Variants in SMG1 observed in about 807,000 individuals in gnomAD.
SMG1 encodes the protein SMG1 nonsense mediated mRNA decay associated PI3K related kinase.
In SMG1, 22 loss-of-function variants were observed where a neutral mutation model predicts 419.9. The observed-to-expected ratio is 0.05, with a 90% CI of 0.04 to 0.07. The LOEUF is 0.07. Among genes scored for constraint, SMG1 ranks in the 10% least tolerant of loss-of-function variants. The pLI is 1.00. For missense variants in SMG1, 3,185 were observed against 4,342.0 expected, an observed-to-expected ratio of 0.73 and a Z score of 7.49; for synonymous variants, 1,538 against 1,553.5, an observed-to-expected ratio of 0.99 and a Z score of 0.23.
chr16:18,833,192 TTAA>T, intron 50 of SMG1, 26 bp from the exon 51 acceptor site: 1 of 1,586,828 alleles, frequency 6.3e-7, no homozygotes, highest in South Asian at 1.1e-5. Flanking sequence ...AAAAAAACTT[TTAA>T]TGTTTTTTGA....
intron 61 of SMG1, 22 bp from the exon 62 acceptor site, chr16:18,811,889 C>A: frequency 1.2e-6 from 2 of 1,613,396 alleles, no homozygotes; most frequent in South Asian, 1.1e-5. Flanking sequence ...CAAAAACATA[C>A]GTAAGTCAAA....
At chr16:18,922,713 C>G (rs1270528272) in intron 1 of SMG1, among the ~76,000 whole-genome samples, 1 of 152,088 alleles carries the variant, frequency 6.6e-6, no homozygotes, top group African/African-American at 2.4e-5. Flanking sequence ...TTCCTGACCT[C>G]GGGTGATCCA....
chr16:18,863,592 A>G (rs1258749391), intron 25 of SMG1, 58 bp downstream of exon 25: 10 of 1,451,422 alleles, frequency 6.9e-6, no homozygotes, highest in Non-Finnish European at 8.6e-6. Flanking sequence ...TTCTTGCCAT[A>G]GGAAAAACAT....
At position 18,830,135 on chromosome 16, in the gene SMG1, C is replaced by G. The variant is rs1440024829; in HGVS notation, c.8944-20G>C. The G allele has an allele frequency of 5.0e-6, 8 of 1,599,890 alleles. No homozygotes were observed. The East Asian group carries it at 1.3e-4, about 27-fold the overall frequency. ...GTTCAACTATGTAAATGAAAGAAAA[C>G]AAAGTTCATTTCTCCACTCTTGACA... On this transcript the variant is annotated intron_variant, in intron 52 of 62. Transcript: ENST00000446231.
chr16:18,913,924 G>A (rs538382006), intron 1 of SMG1, among the ~76,000 whole-genome samples: 77 of 152,116 alleles, frequency 5.1e-4, no homozygotes, highest in African/African-American at 1.7e-3. Flanking sequence ...CCAGCACTTC[G>A]GGAAGCCAAG....
chr16:18,830,525 A>C (rs2033099423), intron 51 of SMG1, among the ~76,000 whole-genome samples, 156 bp from the exon 52 acceptor site: 1 of 152,206 alleles, frequency 6.6e-6, no homozygotes, highest in Non-Finnish European at 1.5e-5. Context: ...GCGGTGGCTC[A>C]CGCCTGTAAT....
chr16:18,883,642 G>A (rs1432176211), intron 9 of SMG1, among the ~76,000 whole-genome samples: 1 of 152,128 alleles, frequency 6.6e-6, no homozygotes, highest in African/African-American at 2.4e-5. Flanking sequence ...ATATTGACTG[G>A]GCACGGGGGC....
In SMG1 at chr16:18,830,107, C is replaced by G. The variant is rs2033063117; in HGVS notation, c.8952G>C (p.Lys2984Asn). 5.0e-6 allele frequency: 8 copies of G among 1,602,068 alleles called. No individual in the cohort carries two copies. Among genetic ancestry groups the G allele is most frequent in the Non-Finnish European group, 6.8e-6 (8 of 1,174,014 alleles). Reference sequence around the variant, plus strand: ...TTCGCCAAGCTATGGGAATTTCCATCTTGTTCAACTATGTAAATGAAAGAA... The same window carrying G: ...TTCGCCAAGCTATGGGAATTTCCATGTTGTTCAACTATGTAAATGAAAGAA... ...AFSLLVEKLN[K>N]MEIPIAWRKI... is the part of the protein sequence containing the mutation. Residue 2984 changes from lysine to asparagine, a missense_variant, in exon 53 of 63, where the codon AAG (lysine) becomes AAC (asparagine). Transcript: ENST00000446231.
At chr16:18,812,236 T>C (rs1431306576) in intron 60 of SMG1, 109 bp from the exon 61 acceptor site, 7 of 1,047,728 alleles carry the variant, frequency 6.7e-6, no homozygotes, top group Admixed American at 2.6e-5. Context: ...AATTAAATAA[T>C]CAACTATAAA....
intron 62 of SMG1, among the ~76,000 whole-genome samples, chr16:18,811,068 C>G (rs1009523095): frequency 6.6e-6 from 1 of 152,098 alleles, no homozygotes; most frequent in Non-Finnish European, 1.5e-5. Context: ...TCCCGATACC[C>G]AAAGATGCTT....
intron 1 of SMG1, among the ~76,000 whole-genome samples, chr16:18,919,634 A>ATGTGTG (rs377359517): frequency 0.27 from 33,364 of 123,730 alleles, 5,523 homozygotes; most frequent in Non-Finnish European, 0.35. Flanking sequence ...AAAAAAAAAA[A>ATGTGTG]TGTGTGTGTG....
Position 18,849,991 on chromosome 16 carries a change from G to A in SMG1, c.5419C>T (p.Leu1807=), listed in dbSNP as rs375093497. 2.1e-5 allele frequency: 34 copies of A among 1,613,882 alleles called. No homozygotes were observed. The African/African-American group carries it at 3.6e-4, about 17-fold the overall frequency. ...GGTGTTGTCTCCAAGCCGTGCTCCA[G>A]ATACTGCCGAAGCTCACCAGCATGC... ...VKHAGELRQY[L]EHGLETTPTA... The change falls in exon 35 of 63, where the codon CTG becomes TTG. Residue 1807 remains leucine, a synonymous_variant. Coordinates refer to ENST00000446231, the MANE Select transcript of SMG1 (RefSeq NM_015092.5).
At chr16:18,908,211 CA>C (rs1290681177) in intron 1 of SMG1, among the ~76,000 whole-genome samples, 2 of 151,500 alleles carry the variant, frequency 1.3e-5, no homozygotes, top group African/African-American at 2.4e-5. Flanking sequence ...ACTAAAAATA[CA>C]AAAAAATTAG....
intron 55 of SMG1, among the ~76,000 whole-genome samples, chr16:18,827,169 G>A (rs1210363505): frequency 1.3e-5 from 2 of 152,074 alleles, no homozygotes. Flanking sequence ...GCTCAAGCCT[G>A]CAATCCCAGT....
chr16:18,829,209 A>C, intron 54 of SMG1, 77 bp downstream of exon 54: 1 of 1,262,608 alleles, frequency 7.9e-7, no homozygotes, highest in South Asian at 1.5e-5. Context: ...ATTTCTGTGT[A>C]TTGTTTTAAA....
At position 18,926,183 on chromosome 16, in the gene SMG1, A is replaced by AGC; in HGVS notation, c.-143_-142insGC. 1 of 670,002 alleles carries AGC rather than the reference A, an allele frequency of 1.5e-6. No individual in the cohort carries two copies. The highest frequency in any genetic ancestry group is 2.3e-6 in the Non-Finnish European group (1 of 431,700). 41.5% of individuals were successfully genotyped at this position (670,002 alleles called of 1,614,324 possible). A position where few individuals can be genotyped will look rare whatever the true frequency, so the allele number is the denominator to read the frequency against. ...GGAGGAGGAGGAGGAGGAGGAGGAG[A>AGC]AGGAGGAGGCGGCGGAGGGCGGGGG... On this transcript the variant is annotated 5_prime_UTR_variant, in exon 1 of 63. Transcript: ENST00000446231.
chr16:18,871,874 G>A (rs1195356559), intron 15 of SMG1, among the ~76,000 whole-genome samples: 6 of 151,688 alleles, frequency 4.0e-5, no homozygotes, highest in Admixed American at 6.6e-5. Flanking sequence ...AGGAGGCAGA[G>A]GTTGCAGTGA....
chr16:18,920,807 T>C (rs569842921), intron 1 of SMG1, among the ~76,000 whole-genome samples: 1 of 151,316 alleles, frequency 6.6e-6, no homozygotes, highest in East Asian at 2.0e-4. Context: ...TCCACTGCAC[T>C]CCAACCTGAG....
rs1231782281 is a variant in SMG1, at chr16:18,809,487, T to C, written c.*82A>G. ...CCAGTTGCATCACCACCGACTGTGG[T>C]GTGGCTTTGGATGCCTGAGGCTGAG... On this transcript the variant is annotated 3_prime_UTR_variant, in exon 63 of 63. Coordinates refer to ENST00000446231, the MANE Select transcript of SMG1 (RefSeq NM_015092.5). The C allele has an allele frequency of 1.7e-5, 18 of 1,033,012 alleles. No individual in the cohort carries two copies. Among genetic ancestry groups the C allele is most frequent in the Admixed American group, 3.9e-5 (2 of 50,924 alleles). 64.0% of individuals were successfully genotyped at this position (1,033,012 alleles called of 1,614,324 possible). A position where few individuals can be genotyped will look rare whatever the true frequency, so the allele number is the denominator to read the frequency against.
Sources: allele counts gnomAD v4.1 joint callset (sites outside exome capture counted in the v4.1 genomes callset), GRCh38; gene constraint gnomAD v4.1.1; transcripts MANE v1.5; gene names NCBI Gene and HGNC (gene_info 2026-07-23, HGNC 2026-07-21).